Variants in ASIC2 observed in about 807,000 individuals in gnomAD.
ASIC2 encodes the protein acid sensing ion channel subunit 2.
Under a neutral mutation model 57.3 loss-of-function variants are expected in ASIC2, and 25 were observed. The ratio of observed to expected loss-of-function variants is 0.44; its 90% CI spans 0.32 to 0.61. The LOEUF (loss-of-function observed/expected upper bound fraction) is 0.61. Ranked by LOEUF, ASIC2 falls within the 20% of genes least tolerant of loss-of-function variation. The probability of loss-of-function intolerance (pLI) is 0.06; values close to 1 mark genes in which losing one functional copy is unlikely to be tolerated. For synonymous variants in ASIC2, 319 were observed against 307.5 expected, an observed-to-expected ratio of 1.04 and a Z score of -0.39; for missense variants, 641 against 738.1, an observed-to-expected ratio of 0.87 and a Z score of 1.52.
rs868660053 is a variant in ASIC2, at chr17:33,797,776, C to T, written c.555+358202G>A. ...GGAGGACTGAAATGTGGGCATGTTC[C>T]GCGTTTGTACTCTTGGCCTTTGGGG... On this transcript the variant is annotated intron_variant, in intron 1 of 9. Transcript: ENST00000359872. Among the ~76,000 whole-genome samples, 8 of 152,140 alleles carry T rather than the reference C, an allele frequency of 5.3e-5. No individual in the cohort carries two copies. In the South Asian group the frequency reaches 6.2e-4, roughly 12 times the overall value.
At chr17:33,303,656 C>T (rs1043576113) in intron 1 of ASIC2, among the ~76,000 whole-genome samples, 1 of 152,052 alleles carries the variant, frequency 6.6e-6, no homozygotes, top group Admixed American at 6.6e-5. Context: ...TGCTTGTCTC[C>T]CTTCCTTTCA....
chr17:33,677,752 T>TG (rs1907870536), intron 1 of ASIC2, among the ~76,000 whole-genome samples: 1 of 152,220 alleles, frequency 6.6e-6, no homozygotes, highest in South Asian at 2.1e-4. Context: ...CTGGAACAGA[T>TG]GAAGTTCGAA....
At chr17:33,406,493 T>C (rs1038096298) in intron 1 of ASIC2, among the ~76,000 whole-genome samples, 1 of 152,248 alleles carries the variant, frequency 6.6e-6, no homozygotes, top group Non-Finnish European at 1.5e-5. Flanking sequence ...AACACAGCAC[T>C]GTGCAGAGCT....
At chr17:34,064,658 C>T (rs1450543313) in intron 1 of ASIC2, among the ~76,000 whole-genome samples, 5 of 152,056 alleles carry the variant, frequency 3.3e-5, no homozygotes, top group Non-Finnish European at 5.9e-5. Flanking sequence ...CCAGAATCTA[C>T]AACAAACTCA....
At chr17:33,312,869 G>A (rs951370612) in intron 1 of ASIC2, among the ~76,000 whole-genome samples, 1 of 152,202 alleles carries the variant, frequency 6.6e-6, no homozygotes, top group Non-Finnish European at 1.5e-5. Flanking sequence ...CCAGGAGGCG[G>A]AGGTTGCAGT....
intron 1 of ASIC2, among the ~76,000 whole-genome samples, chr17:33,502,478 C>T (rs896123932): frequency 3.3e-5 from 5 of 152,172 alleles, no homozygotes; most frequent in South Asian, 4.1e-4. Context: ...TAGAGCTGGC[C>T]GCTAGCTTGG....
Position 33,291,644 on chromosome 17 carries a change from G to C in ASIC2, c.472C>G (p.Leu158Val). 6.2e-7 allele frequency: 1 copy of C among 1,611,184 alleles called. No homozygotes were observed. Among genetic ancestry groups the C allele is most frequent in the Non-Finnish European group, 8.5e-7 (1 of 1,178,762 alleles). ...KGDLYYAGHW[L>V]GLLLPNRTAR... The stretch of plus-strand genomic sequence containing the variant: ...GTGCGGTTGGGCAGCAGCAGCCCGA[G>C]CCAGTGGCCGGCATAGTAGAGGTCC... Residue 158 changes from leucine (L) to valine (V), a missense_variant, in exon 1 of 10, where the codon CTC becomes GTC. Leu to Val is a conservative substitution (Grantham distance 32). Coordinates refer to ENST00000225823, the MANE Select transcript of ASIC2 (RefSeq NM_183377.2).
intron 1 of ASIC2, among the ~76,000 whole-genome samples, chr17:33,673,323 C>A (rs1055710229): frequency 6.6e-6 from 1 of 152,170 alleles, no homozygotes; most frequent in South Asian, 2.1e-4. Context: ...GGTGCCAGGG[C>A]AAAGGGCTTG....
intron 1 of ASIC2, among the ~76,000 whole-genome samples, chr17:33,608,189 T>C (rs186424830): frequency 1.5e-4 from 23 of 152,266 alleles, no homozygotes; most frequent in East Asian, 9.7e-4. Context: ...AGGCTTCCCA[T>C]GTGCTTATTT....
At chr17:33,421,158 G>A (rs548005708) in intron 1 of ASIC2, among the ~76,000 whole-genome samples, 1 of 152,254 alleles carries the variant, frequency 6.6e-6, no homozygotes, top group South Asian at 2.1e-4. Flanking sequence ...CACCAGGAAG[G>A]TTCTGTGAGC....
At chr17:33,559,433 A>G (rs535007556) in intron 1 of ASIC2, among the ~76,000 whole-genome samples, 1 of 152,318 alleles carries the variant, frequency 6.6e-6, no homozygotes, top group African/African-American at 2.4e-5. Flanking sequence ...CACAGCTAGA[A>G]TATTGTCCCT....
chr17:34,115,763 T>C (rs932641762), intron 1 of ASIC2, among the ~76,000 whole-genome samples: 1 of 152,206 alleles, frequency 6.6e-6, no homozygotes, highest in Non-Finnish European at 1.5e-5. Context: ...GCACTTAGAA[T>C]TTAACAAGTT....
In ASIC2 at chr17:33,890,327, G is replaced by T. The variant is rs147562300; in HGVS notation, c.555+265651C>A. 1.3e-4 allele frequency among the ~76,000 whole-genome samples: 20 copies of T among 152,298 alleles called. 2 individuals carry two copies. The highest frequency in any genetic ancestry group is 4.8e-4 in the African/African-American group (20 of 41,568). On this transcript the variant is annotated intron_variant, in intron 1 of 9. Transcript: ENST00000359872. Reference sequence around the variant, plus strand: ...TGTTGACTGTATTTTCTCCAAGTGAGACTGGGGTAAACACCCATCCTGCAT... The same window carrying T: ...TGTTGACTGTATTTTCTCCAAGTGATACTGGGGTAAACACCCATCCTGCAT...
At chr17:33,112,177 C>T (rs1295572998) in intron 1 of ASIC2, 110 bp from the exon 2 acceptor site, 3 of 1,249,802 alleles carry the variant, frequency 2.4e-6, no homozygotes, top group South Asian at 1.6e-5. Context: ...TCCCCACAGC[C>T]CATCACCATC....
Position 33,977,292 on chromosome 17 carries a change from G to A in ASIC2, c.555+178686C>T, listed in dbSNP as rs1317770752. On this transcript the variant is annotated intron_variant, in intron 1 of 9. Coordinates refer to the ASIC2 transcript ENST00000359872. ...GGGCTGACCACAGGGGTAGTTGGAGGGAAAGTGCTGAATAATGAAACCTCC... is the reference window on the plus strand; with the variant it reads ...GGGCTGACCACAGGGGTAGTTGGAGAGAAAGTGCTGAATAATGAAACCTCC... 2.0e-5 allele frequency among the ~76,000 whole-genome samples: 3 copies of A among 152,206 alleles called. No individual in the cohort carries two copies. The East Asian group carries it at 5.8e-4, about 29-fold the overall frequency.
At chr17:33,638,583 A>C (rs758179808) in intron 1 of ASIC2, among the ~76,000 whole-genome samples, 2 of 151,412 alleles carry the variant, frequency 1.3e-5, no homozygotes, top group Non-Finnish European at 2.9e-5. Context: ...CACACACACA[A>C]ACATTTATTT....
intron 1 of ASIC2, among the ~76,000 whole-genome samples, chr17:33,286,784 C>T (rs926591837): frequency 6.6e-6 from 1 of 152,160 alleles, no homozygotes; most frequent in African/African-American, 2.4e-5. Context: ...GGTATCTATT[C>T]ACACACCTCT....
intron 1 of ASIC2, chr17:34,039,786 T>G (rs1185639534): frequency 9.9e-6 from 16 of 1,611,188 alleles, no homozygotes; most frequent in Non-Finnish European, 1.4e-5. Context: ...CACTATTAAG[T>G]GGTCCCTTAC....
At chr17:33,874,306 T>G (rs939321379) in intron 1 of ASIC2, among the ~76,000 whole-genome samples, 1 of 152,204 alleles carries the variant, frequency 6.6e-6, no homozygotes, top group Non-Finnish European at 1.5e-5. Flanking sequence ...CAACTAGGGC[T>G]GCCGGATAAA....
Sources: gnomAD v4.1 joint callset for allele counts (sites outside exome capture counted in the v4.1 genomes callset) on GRCh38, gnomAD v4.1.1 for gene constraint, MANE v1.5 for transcripts, NCBI Gene and HGNC (gene_info 2026-07-23, HGNC 2026-07-21) for gene names.